PCDHGB4: variants seen among roughly 807,000 people sequenced by gnomAD.
PCDHGB4 encodes protocadherin gamma subfamily B, 4.
Under a neutral mutation model 60.5 loss-of-function variants are expected in PCDHGB4, and 38 were observed. That is an observed-to-expected ratio of 0.63 (90% CI 0.48 to 0.82). The LOEUF (loss-of-function observed/expected upper bound fraction) is 0.82, where lower values mean the gene tolerates loss of function less well. Among genes scored for constraint, PCDHGB4 ranks in the 40% least tolerant of loss-of-function variants. The pLI, the probability that PCDHGB4 is intolerant of heterozygous loss-of-function variation, is 0.00. For synonymous variants in PCDHGB4, 456 were observed against 509.7 expected, an observed-to-expected ratio of 0.89 and a Z score of 1.42; for missense variants, 1,109 against 1,209.6, an observed-to-expected ratio of 0.92 and a Z score of 1.23.
rs747633858 is a variant in PCDHGB4, at chr5:141,491,133, C to T, written c.2398-3674C>T. 6.2e-6 allele frequency: 10 copies of T among 1,614,158 alleles called. No homozygotes were observed. In the South Asian group the frequency reaches 9.9e-5, roughly 16 times the overall value. The stretch of plus-strand genomic sequence containing the variant: ...CACACACTGGTGAGGTGCGCACAGC[C>T]CGGGCCTTACTGGAGGATGACTCTG... On this transcript the variant is annotated intron_variant, in intron 1 of 3. Transcript: ENST00000519479. The surrounding 1 kb of genome is among the most constrained non-coding windows in gnomAD (Gnocchi z 6.9).
intron 1 of PCDHGB4, chr5:141,394,322 G>C (rs1438978424): frequency 1.9e-6 from 3 of 1,613,842 alleles, no homozygotes; most frequent in Non-Finnish European, 2.5e-6. Context: ...CCCTGTCCTC[G>C]TATATCTCCA....
chr5:141,509,839 T>C (rs1277859334), intron 3 of PCDHGB4, among the ~76,000 whole-genome samples: 4 of 152,162 alleles, frequency 2.6e-5, no homozygotes, highest in Non-Finnish European at 5.9e-5. Context: ...CTACCTCCCA[T>C]TCACTCAGAA....
At chr5:141,459,603 A>G (rs867387156) in intron 1 of PCDHGB4, among the ~76,000 whole-genome samples, 1 of 152,244 alleles carries the variant, frequency 6.6e-6, no homozygotes, top group Non-Finnish European at 1.5e-5. Flanking sequence ...AATGGGAAGT[A>G]TATGCTTAAC....
rs34752215 is a variant in PCDHGB4 at position 141,427,657 on chromosome 5, A to C, written c.2397+37376A>C. The C allele has an allele frequency of 1.4e-3, 1,030 of 734,210 alleles. 5 individuals carry two copies. Among genetic ancestry groups the C allele is most frequent in the Middle Eastern group, 5.7e-3 (25 of 4,398 alleles). The allele number at this position is 734,210 out of a possible 1,614,324, so 45.5% of individuals were successfully genotyped here. On this transcript the variant is annotated intron_variant, in intron 1 of 3. Coordinates refer to ENST00000519479, the MANE Select transcript of PCDHGB4 (RefSeq NM_003736.4). The stretch of plus-strand genomic sequence containing the variant: ...TTCCACCAAGTCTCCTACGTGGTCC[A>C]CGTGGCCGAAAACAACCTTCCCGGA...
At chr5:141,438,063 A>G (rs540817874) in intron 1 of PCDHGB4, among the ~76,000 whole-genome samples, 11 of 152,224 alleles carry the variant, frequency 7.2e-5, no homozygotes, top group Non-Finnish European at 1.5e-4. Context: ...CTTTTAAGAA[A>G]CCATACTTAA....
chr5:141,423,085 G>A, intron 1 of PCDHGB4: 1 of 1,614,072 alleles, frequency 6.2e-7, no homozygotes, highest in Non-Finnish European at 8.5e-7. Flanking sequence ...ACTCTTCGCG[G>A]TGGGGGAGCA....
intron 1 of PCDHGB4, among the ~76,000 whole-genome samples, chr5:141,450,375 A>G (rs1338336573): frequency 1.3e-5 from 2 of 152,166 alleles, no homozygotes; most frequent in Non-Finnish European, 2.9e-5. Context: ...GTTTGTTTAT[A>G]TGAAACTGAC....
At position 141,500,878 on chromosome 5, in the gene PCDHGB4, T is replaced by A. The variant is rs545375199; in HGVS notation, c.2457-4515T>A. On this transcript the variant is annotated intron_variant, in intron 2 of 3. Transcript: ENST00000519479. The stretch of plus-strand genomic sequence containing the variant: ...AGAAAACATACACATTCATTTACAA[T>A]TTTTTTTTTTTGAGACAGTCTCGCT... Among the ~76,000 whole-genome samples, 20 of 92,410 alleles carry A rather than the reference T, an allele frequency of 2.2e-4. 1 individual carries two copies. The East Asian group carries it at 4.8e-3, about 22-fold the overall frequency. The allele number at this position is 92,410 out of a possible 152,430, so 60.6% of individuals were successfully genotyped here.
rs1029237740 is a variant in PCDHGB4, at chr5:141,500,358, A to G, written c.2457-5035A>G. ...AGAATAGCTGGGACTACAGGCGCCC[A>G]CTACCACGCCCGGCTAATTATTTTG... On this transcript the variant is annotated intron_variant, in intron 2 of 3. Coordinates refer to ENST00000519479, the MANE Select transcript of PCDHGB4 (RefSeq NM_003736.4). Among the ~76,000 whole-genome samples, 5 of 151,706 alleles carry G rather than the reference A, an allele frequency of 3.3e-5. No homozygotes were observed. In the South Asian group the frequency reaches 6.3e-4, roughly 19 times the overall value.
Position 141,423,337 on chromosome 5 carries a change from A to G in PCDHGB4, c.2397+33056A>G, listed in dbSNP as rs769321122. The G allele has an allele frequency of 6.0e-5, 97 of 1,614,180 alleles. 1 individual carries two copies. The African/African-American group carries it at 8.9e-4, about 15-fold the overall frequency. ...GGTGGCGGTGGCCGCAGTCTCCTGC[A>G]TCTTCCTGGTCTTTGTCATCGTGCT... On this transcript the variant is annotated intron_variant, in intron 1 of 3. Coordinates refer to ENST00000519479, the MANE Select transcript of PCDHGB4 (RefSeq NM_003736.4).
intron 1 of PCDHGB4, chr5:141,423,454 G>C (rs1323921797): frequency 1.9e-6 from 3 of 1,614,030 alleles, no homozygotes; most frequent in Non-Finnish European, 2.5e-6. Context: ...ACATTTTGTA[G>C]GCGTGGACGG....
At chr5:141,478,087 C>T in intron 1 of PCDHGB4, 1 of 1,614,134 alleles carries the variant, frequency 6.2e-7, no homozygotes, top group East Asian at 2.2e-5. Flanking sequence ...CTTCGCTCTC[C>T]ACCACTGCTA....
Position 141,389,585 on chromosome 5 carries a change from C to G in PCDHGB4, c.1701C>G (p.Pro567=). The G allele has an allele frequency of 6.2e-7, 1 of 1,613,182 alleles. No homozygotes were observed. The highest frequency in any genetic ancestry group is 8.5e-7 in the Non-Finnish European group (1 of 1,179,788). ...GGGTGCTGTACCCCGCGCTGGGTCC[C>G]GACGGCTCTGCGCTCTTCGATATGG... ...APRVLYPALG[P]DGSALFDMVP... is the part of the protein sequence containing the mutation. Residue 567 remains proline (P), a synonymous_variant, in exon 1 of 4, where the codon CCC becomes CCG. Coordinates refer to ENST00000519479, the MANE Select transcript of PCDHGB4 (RefSeq NM_003736.4).
At chr5:141,400,511 C>G (rs1456963604) in intron 1 of PCDHGB4, 1 of 1,613,824 alleles carries the variant, frequency 6.2e-7, no homozygotes, top group African/African-American at 1.3e-5. Context: ...GAGTCGACTT[C>G]CCATCCTGAG....
chr5:141,417,524 T>C (rs2096128269), intron 1 of PCDHGB4: 1 of 271,098 alleles, frequency 3.7e-6, no homozygotes, highest in African/African-American at 2.2e-5. Flanking sequence ...GGCTGTCAAC[T>C]CGTAGTTTAA....
chr5:141,415,465 A>G (rs751798354), intron 1 of PCDHGB4: 19 of 1,613,976 alleles, frequency 1.2e-5, no homozygotes, highest in Non-Finnish European at 1.5e-5. Context: ...GGTCTCTCTC[A>G]CCGCGGACTC....
At chr5:141,474,803 T>C (rs1383027398) in intron 1 of PCDHGB4, among the ~76,000 whole-genome samples, 1 of 152,250 alleles carries the variant, frequency 6.6e-6, no homozygotes, top group Non-Finnish European at 1.5e-5. Context: ...ATGGAGTGGT[T>C]TGCATCATTA....
At position 141,389,553 on chromosome 5, in the gene PCDHGB4, G is replaced by T; in HGVS notation, c.1669G>T (p.Ala557Ser). 1 of 1,613,234 alleles carries T rather than the reference G, an allele frequency of 6.2e-7. No individual in the cohort carries two copies. ...GTTAGTGGACGACCGCAACGACAAT[G>T]CGCCACGGGTGCTGTACCCCGCGCT... ...RVLVDDRNDNAPRVLYPALGP... is the reference protein window; with the variant it reads ...RVLVDDRNDNSPRVLYPALGP... Residue 557 changes from alanine to serine, a missense_variant, in exon 1 of 4, where the codon GCG becomes TCG. Ala to Ser is a moderately conservative substitution (Grantham distance 99, BLOSUM62 1). Transcript: ENST00000519479.
chr5:141,503,304 A>G (rs946582779), intron 2 of PCDHGB4, among the ~76,000 whole-genome samples: 1 of 152,150 alleles, frequency 6.6e-6, no homozygotes, highest in African/African-American at 2.4e-5. Flanking sequence ...ATTGCTCAAG[A>G]AAGAATTGTT....
Sources: gnomAD v4.1 joint callset for allele counts (sites outside exome capture counted in the v4.1 genomes callset) on GRCh38, gnomAD v4.1.1 for gene constraint, Gnocchi (gnomAD v3.1) non-coding constraint, MANE v1.5 for transcripts, NCBI Gene and HGNC (gene_info 2026-07-23, HGNC 2026-07-21) for gene names.